CMIP: variants seen among roughly 807,000 people sequenced by gnomAD.
CMIP encodes C-Maf-inducing protein.
In CMIP, 13 loss-of-function variants were observed where a neutral mutation model predicts 97.3. The ratio of observed to expected loss-of-function variants is 0.13; its 90% CI spans 0.09 to 0.21. CMIP has a LOEUF of 0.21. CMIP is among the 10% of genes least tolerant of loss of function. The pLI is 1.00. For synonymous variants in CMIP, 538 were observed against 436.3 expected, an observed-to-expected ratio of 1.23 and a Z score of -2.91; for missense variants, 847 against 1,024.9, an observed-to-expected ratio of 0.83 and a Z score of 2.37.
chr16:81,568,841 G>A (rs1346288333), intron 1 of CMIP, among the ~76,000 whole-genome samples: 2 of 152,200 alleles, frequency 1.3e-5, no homozygotes, highest in Non-Finnish European at 1.5e-5. Flanking sequence ...CTGGGAAAAC[G>A]CACTTGTGGC....
chr16:81,650,270 C>A (rs569929865), intron 3 of CMIP, among the ~76,000 whole-genome samples: 46 of 152,308 alleles, frequency 3.0e-4, no homozygotes, highest in African/African-American at 1.1e-3. Context: ...TGCTGGGCTG[C>A]CCTGGCCTCC....
intron 3 of CMIP, among the ~76,000 whole-genome samples, chr16:81,624,772 C>T (rs1263230012): frequency 1.3e-5 from 2 of 152,186 alleles, no homozygotes; most frequent in Non-Finnish European, 2.9e-5. Context: ...GTCATGATAA[C>T]AGGGTCGATT....
At chr16:81,468,577 A>C (rs1408015792) in intron 1 of CMIP, among the ~76,000 whole-genome samples, 1 of 152,272 alleles carries the variant, frequency 6.6e-6, no homozygotes, top group Non-Finnish European at 1.5e-5. Context: ...TGCCTGAAGC[A>C]TGCCCTTATG....
intron 20 of CMIP, among the ~76,000 whole-genome samples, chr16:81,709,369 A>G (rs1370839344): frequency 6.6e-6 from 1 of 152,206 alleles, no homozygotes; most frequent in East Asian, 1.9e-4. Flanking sequence ...GCCAGGGACT[A>G]GAGTCAGATG....
At chr16:81,449,704 G>A (rs1368043353) in intron 1 of CMIP, among the ~76,000 whole-genome samples, 1 of 151,108 alleles carries the variant, frequency 6.6e-6, no homozygotes, top group Non-Finnish European at 1.5e-5. Context: ...TGTCATAGGA[G>A]GATTTTGGAG....
chr16:81,565,508 C>T (rs1446071217), intron 1 of CMIP, among the ~76,000 whole-genome samples: 2 of 152,222 alleles, frequency 1.3e-5, no homozygotes, highest in African/African-American at 4.8e-5. Flanking sequence ...GCCAGGGAGA[C>T]CATCTGCCCT....
At position 81,678,767 on chromosome 16, in the gene CMIP, G is replaced by T; in HGVS notation, c.1388+139G>T. The T allele has an allele frequency of 5.0e-6, 3 of 601,358 alleles. No individual in the cohort carries two copies. The South Asian group carries it at 5.9e-5, about 12-fold the overall frequency. 37.3% of individuals were successfully genotyped at this position (601,358 alleles called of 1,614,324 possible). ...GTGGCTTGTGTGTGAGTGCACACGAGCTGGTGTGTGCAAGAGTGTGCATAA... is the reference window on the plus strand; with the variant it reads ...GTGGCTTGTGTGTGAGTGCACACGATCTGGTGTGTGCAAGAGTGTGCATAA... On this transcript the variant is annotated intron_variant, in intron 10 of 20. Coordinates refer to ENST00000537098, the MANE Select transcript of CMIP (RefSeq NM_198390.3).
At chr16:81,522,017 T>TA (rs2090038430) in intron 1 of CMIP, among the ~76,000 whole-genome samples, 1 of 152,194 alleles carries the variant, frequency 6.6e-6, no homozygotes, top group Non-Finnish European at 1.5e-5. Context: ...GAGGTGCTGT[T>TA]ACAATTTAAG....
chr16:81,608,466 G>A (rs1164578655), intron 2 of CMIP, among the ~76,000 whole-genome samples: 1 of 152,168 alleles, frequency 6.6e-6, no homozygotes, highest in African/African-American at 2.4e-5. Flanking sequence ...CTTAGAGGCT[G>A]TAATCCTTAA....
intron 1 of CMIP, among the ~76,000 whole-genome samples, chr16:81,481,011 G>C (rs917081010): frequency 6.6e-6 from 1 of 152,204 alleles, no homozygotes; most frequent in Admixed American, 6.5e-5. Context: ...TTGAACTAGT[G>C]GTGGGCCATT....
chr16:81,653,989 C>A (rs2092456592), intron 4 of CMIP, among the ~76,000 whole-genome samples: 1 of 152,198 alleles, frequency 6.6e-6, no homozygotes, highest in Non-Finnish European at 1.5e-5. Flanking sequence ...CTGCCCAACT[C>A]ACGTGGCAAG....
intron 16 of CMIP, 50 bp downstream of exon 16, chr16:81,701,850 G>C (rs779229633): frequency 6.2e-7 from 1 of 1,606,098 alleles, no homozygotes; most frequent in African/African-American, 1.3e-5. Flanking sequence ...AGGCCAGGGG[G>C]GGCCAGGGCG....
At chr16:81,578,638 G>A (rs2091242908) in intron 1 of CMIP, among the ~76,000 whole-genome samples, 1 of 152,214 alleles carries the variant, frequency 6.6e-6, no homozygotes, top group Admixed American at 6.5e-5. Context: ...CCATGGGCTG[G>A]TGTGTAGGAT....
intron 1 of CMIP, among the ~76,000 whole-genome samples, chr16:81,525,212 C>G (rs545966102): frequency 6.6e-6 from 1 of 152,070 alleles, no homozygotes; most frequent in African/African-American, 2.4e-5. Context: ...GGCACAATCT[C>G]GGCTCCCCAC....
Position 81,561,111 on chromosome 16 carries a change from C to G in CMIP, c.301-46456C>G, listed in dbSNP as rs7185366. 6.0e-3 allele frequency among the ~76,000 whole-genome samples: 908 copies of G among 152,288 alleles called. 16 individuals carry two copies. Among genetic ancestry groups the G allele is most frequent in the African/African-American group, 0.021 (872 of 41,554 alleles). On this transcript the variant is annotated intron_variant, in intron 1 of 20. Transcript: ENST00000537098. ...CTGGGATTACAGGCACATGCCACCA[C>G]GCTTGGCTACTTTTTGTAGTTTTTA... is the stretch of plus-strand genomic sequence containing the variant.
At chr16:81,696,730 G>C (rs1254892871) in intron 14 of CMIP, 63 bp downstream of exon 14, 2 of 1,475,584 alleles carry the variant, frequency 1.4e-6, no homozygotes, top group South Asian at 2.4e-5. Flanking sequence ...TGCCTGACTA[G>C]TAAAACAGCC....
chr16:81,539,772 C>G (rs1461992758), intron 1 of CMIP, among the ~76,000 whole-genome samples: 2 of 152,224 alleles, frequency 1.3e-5, no homozygotes, highest in African/African-American at 2.4e-5. Flanking sequence ...ATCTTCAGTG[C>G]CACCTCCACT....
chr16:81,457,663 C>T (rs1490064497), intron 1 of CMIP, among the ~76,000 whole-genome samples: 1 of 152,266 alleles, frequency 6.6e-6, no homozygotes, highest in Non-Finnish European at 1.5e-5. Flanking sequence ...AATCATCACA[C>T]CTACCTCGTG....
chr16:81,548,847 G>GA (rs1450807050), intron 1 of CMIP, among the ~76,000 whole-genome samples: 1 of 152,090 alleles, frequency 6.6e-6, no homozygotes, highest in East Asian at 1.9e-4. Flanking sequence ...TTCTGTCTCT[G>GA]AAAAAAACAA....
Sources: allele counts gnomAD v4.1 joint callset (sites outside exome capture counted in the v4.1 genomes callset), GRCh38; gene constraint gnomAD v4.1.1; transcripts MANE v1.5; gene names NCBI Gene and HGNC (gene_info 2026-07-23, HGNC 2026-07-21).